Variants in MDGA2 observed in about 807,000 individuals in gnomAD.
The protein encoded by MDGA2 is MAM domain-containing glycosylphosphatidylinositol anchor protein 2.
A neutral mutation model predicts 117.8 loss-of-function variants in MDGA2; 40 were observed. The ratio of observed to expected loss-of-function variants is 0.34; its 90% CI spans 0.26 to 0.44. The LOEUF (loss-of-function observed/expected upper bound fraction) is 0.44. MDGA2 is among the 20% of genes least tolerant of loss of function. The pLI, the probability that MDGA2 is intolerant of heterozygous loss-of-function variation, is 1.00. For missense variants in MDGA2, 1,123 were observed against 1,250.6 expected (o/e 0.90, Z 1.54); for synonymous variants, 452 against 439.0 (o/e 1.03, Z -0.37).
intron 1 of MDGA2, among the ~76,000 whole-genome samples, chr14:47,619,341 C>T (rs532542378): frequency 1.3e-5 from 2 of 152,288 alleles, no homozygotes; most frequent in African/African-American, 4.8e-5. Context: ...TTAGCTGCGT[C>T]ATCATCACAA....
At chr14:47,669,054 A>T (rs1463194382) in intron 1 of MDGA2, among the ~76,000 whole-genome samples, 1 of 152,190 alleles carries the variant, frequency 6.6e-6, no homozygotes, top group Non-Finnish European at 1.5e-5. Flanking sequence ...ATACAATTGA[A>T]CTCACAAGGC....
intron 8 of MDGA2, among the ~76,000 whole-genome samples, chr14:47,016,421 G>A (rs1311795369): frequency 6.6e-6 from 1 of 152,028 alleles, no homozygotes; most frequent in Non-Finnish European, 1.5e-5. Context: ...AAAACTAGCT[G>A]AGATCATTTC....
chr14:47,481,505 G>A (rs934089349), intron 1 of MDGA2, among the ~76,000 whole-genome samples: 2 of 151,956 alleles, frequency 1.3e-5, no homozygotes, highest in Non-Finnish European at 2.9e-5. Context: ...GTTTCTCTGT[G>A]TCTTGATACA....
intron 5 of MDGA2, among the ~76,000 whole-genome samples, chr14:47,126,477 G>A (rs1255386093): frequency 6.6e-6 from 1 of 151,958 alleles, no homozygotes; most frequent in Non-Finnish European, 1.5e-5. Flanking sequence ...AACAAGAAAT[G>A]GGAGTCAACA....
At chr14:47,095,620 T>C (rs1051325077) in intron 6 of MDGA2, among the ~76,000 whole-genome samples, 3 of 151,760 alleles carry the variant, frequency 2.0e-5, no homozygotes, top group Non-Finnish European at 4.4e-5. Context: ...AAAATAATCA[T>C]ACATGTTATA....
intron 3 of MDGA2, among the ~76,000 whole-genome samples, chr14:47,210,738 C>A (rs936604869): frequency 1.3e-5 from 2 of 152,144 alleles, no homozygotes; most frequent in Non-Finnish European, 2.9e-5. Context: ...ATTGCAGGGG[C>A]TGGGCACAAG....
intron 8 of MDGA2, among the ~76,000 whole-genome samples, chr14:46,986,995 C>A (rs1394182720): frequency 1.3e-5 from 2 of 152,034 alleles, no homozygotes; most frequent in Admixed American, 1.3e-4. Context: ...GTGACACTCA[C>A]AACTCTGTAC....
intron 8 of MDGA2, among the ~76,000 whole-genome samples, chr14:46,982,903 T>G (rs1886735165): frequency 6.6e-6 from 1 of 151,994 alleles, no homozygotes; most frequent in African/African-American, 2.4e-5. Context: ...AAGGGAATGC[T>G]TCTAGTTTTT....
intron 3 of MDGA2, among the ~76,000 whole-genome samples, chr14:47,215,508 G>A (rs574024842): frequency 6.6e-6 from 1 of 152,050 alleles, no homozygotes; most frequent in Non-Finnish European, 1.5e-5. Context: ...TGTATTTGGA[G>A]CACATGGACT....
At chr14:47,193,204 CCAGG>C (rs1885175482) in intron 3 of MDGA2, among the ~76,000 whole-genome samples, 1 of 152,178 alleles carries the variant, frequency 6.6e-6, no homozygotes, top group South Asian at 2.1e-4. Context: ...TAACTAGATT[CCAGG>C]CAGGATCTGT....
chr14:47,530,703 C>A (rs1895080649), intron 1 of MDGA2, among the ~76,000 whole-genome samples: 1 of 152,240 alleles, frequency 6.6e-6, no homozygotes, highest in Admixed American at 6.5e-5. Context: ...ACTTCTCGAC[C>A]TGCCAATCTG....
In MDGA2 at chr14:47,194,119, CA is replaced by C. The variant is rs1885205918; in HGVS notation, c.595+23901del. ...TATACTGTATCCTAAATAGCAAAAT[CA>C]CATTCTAATAATAGTGTTGAAATTT... is the stretch of plus-strand genomic sequence containing the variant. On this transcript the variant is annotated intron_variant, in intron 3 of 16. Transcript: ENST00000399232. Among the ~76,000 whole-genome samples the C allele has an allele frequency of 3.9e-5, 6 of 152,222 alleles. 1 individual carries two copies. The South Asian group carries it at 1.2e-3, about 32-fold the overall frequency.
At chr14:47,423,176 C>T (rs1486873682) in intron 1 of MDGA2, among the ~76,000 whole-genome samples, 1 of 151,970 alleles carries the variant, frequency 6.6e-6, no homozygotes, top group Non-Finnish European at 1.5e-5. Flanking sequence ...AAATTTTATC[C>T]CCATTGATAG....
chr14:47,241,141 C>G (rs946702591), intron 2 of MDGA2, among the ~76,000 whole-genome samples: 1 of 151,836 alleles, frequency 6.6e-6, no homozygotes, highest in Non-Finnish European at 1.5e-5. Flanking sequence ...CAAAGTTGAT[C>G]ATTTAAAAGG....
Position 47,158,363 on chromosome 14 carries a change from G to GGGGTGT in MDGA2, c.596-14090_596-14089insACACCC, listed in dbSNP as rs1555358937. On this transcript the variant is annotated intron_variant, in intron 3 of 16. Transcript: ENST00000399232. ...TTTCTCAGAACATATCCCTGGGGTG[G>GGGGTGT]GTGTGTGTGTGTGTGTGTGTGTGTG... Among the ~76,000 whole-genome samples, 1,101 of 146,766 alleles carry GGGGTGT rather than the reference G, an allele frequency of 7.5e-3. 35 individuals carry two copies. Among genetic ancestry groups the GGGGTGT allele is most frequent in the Admixed American group, 0.067 (989 of 14,770 alleles).
chr14:46,917,788 G>A (rs548784500), intron 10 of MDGA2, among the ~76,000 whole-genome samples: 13 of 152,220 alleles, frequency 8.5e-5, no homozygotes, highest in Non-Finnish European at 1.8e-4. Flanking sequence ...GTCAGGAAAG[G>A]AAAATAAAAG....
chr14:46,962,687 A>G (rs1317449150), intron 8 of MDGA2, among the ~76,000 whole-genome samples: 2 of 152,152 alleles, frequency 1.3e-5, no homozygotes, highest in African/African-American at 4.8e-5. Context: ...TGTCTATTAC[A>G]TGCCTAGAAA....
chr14:47,592,639 G>A (rs1395075400), intron 1 of MDGA2, among the ~76,000 whole-genome samples: 10 of 152,094 alleles, frequency 6.6e-5, no homozygotes, highest in Admixed American at 3.9e-4. Context: ...ATGGGGAAAG[G>A]ATTCCCTATT....
At chr14:47,357,114 C>A (rs1252824666) in intron 1 of MDGA2, among the ~76,000 whole-genome samples, 1 of 152,166 alleles carries the variant, frequency 6.6e-6, no homozygotes, top group South Asian at 2.1e-4. Context: ...CCGTTTCCTC[C>A]CCTCCACAAC....
Sources: allele counts gnomAD v4.1 joint callset (sites outside exome capture counted in the v4.1 genomes callset), GRCh38; gene constraint gnomAD v4.1.1; transcripts MANE v1.5; gene names NCBI Gene and HGNC (gene_info 2026-07-23, HGNC 2026-07-21).